Variants in LGR6 observed in about 807,000 individuals in gnomAD.
The protein encoded by LGR6 is leucine-rich repeat-containing G protein-coupled receptor 6.
Under a neutral mutation model 69.4 loss-of-function variants are expected in LGR6, and 45 were observed. The observed-to-expected ratio is 0.65, with a 90% confidence interval of 0.51 to 0.83. The LOEUF (loss-of-function observed/expected upper bound fraction) is 0.83, where lower values mean the gene tolerates loss of function less well. Among genes scored for constraint, LGR6 ranks in the 40% least tolerant of loss-of-function variants. The pLI is 0.00. For synonymous variants in LGR6, 538 were observed against 555.0 expected (o/e 0.97, Z 0.43); for missense variants, 1,108 against 1,246.7 (o/e 0.89, Z 1.68).
chr1:202,247,253 A>G (rs1249541023), intron 4 of LGR6, among the ~76,000 whole-genome samples: 4 of 151,160 alleles, frequency 2.6e-5, no homozygotes, highest in African/African-American at 9.9e-5. Context: ...CATCGGCGTC[A>G]CTTGGGAGTA....
In LGR6 at chr1:202,194,133, G is replaced by A. The variant is rs76654397; in HGVS notation, c.144G>A (p.Leu48=). The A allele has an allele frequency of 2.2e-3, 3,462 of 1,573,074 alleles. 91 individuals are homozygous for A. The East Asian group carries it at 0.064, about 29-fold the overall frequency. The stretch of plus-strand genomic sequence containing the variant: ...ACTGCCAGGAGGACGGCATCATGCT[G>A]TCTGCCGACTGCTCTGAGCTCGGGC... ...PCHCQEDGIM[L]SADCSELGLS... is the part of the protein sequence containing the mutation. Residue 48 remains leucine, a synonymous_variant, in exon 1 of 18, where the codon CTG becomes CTA. Coordinates refer to ENST00000367278, the MANE Select transcript of LGR6 (RefSeq NM_001017403.2).
At chr1:202,254,293 T>C (rs1663569827) in intron 4 of LGR6, among the ~76,000 whole-genome samples, 1 of 152,160 alleles carries the variant, frequency 6.6e-6, no homozygotes, top group Non-Finnish European at 1.5e-5. Context: ...TACCACATCA[T>C]CATTTTCCAC....
chr1:202,304,307 C>G (rs535983699), intron 10 of LGR6, among the ~76,000 whole-genome samples: 2 of 152,278 alleles, frequency 1.3e-5, no homozygotes, highest in South Asian at 2.1e-4. Flanking sequence ...GGAGCAGAGC[C>G]CTGGGCTGTG....
At chr1:202,199,703 T>A (rs1250622894) in intron 1 of LGR6, among the ~76,000 whole-genome samples, 4 of 151,988 alleles carry the variant, frequency 2.6e-5, no homozygotes, top group Non-Finnish European at 5.9e-5. Context: ...GGTATCCCAA[T>A]GGGGAGGCCC....
intron 7 of LGR6, among the ~76,000 whole-genome samples, chr1:202,299,225 A>ACTCCAG (rs2148252637): frequency 6.8e-6 from 1 of 147,736 alleles, no homozygotes; most frequent in African/African-American, 2.5e-5. Context: ...GTACCACTGT[A>ACTCCAG]CTCCAGCCTG....
At chr1:202,238,902 C>T (rs866503743) in intron 4 of LGR6, among the ~76,000 whole-genome samples, 1 of 152,142 alleles carries the variant, frequency 6.6e-6, no homozygotes, top group Non-Finnish European at 1.5e-5. Context: ...CGGTTGGAAT[C>T]CCGAGAGCTC....
intron 1 of LGR6, among the ~76,000 whole-genome samples, chr1:202,215,210 G>A (rs1301357417): frequency 6.6e-6 from 1 of 152,140 alleles, no homozygotes; most frequent in African/African-American, 2.4e-5. Context: ...TGAAATAAAG[G>A]CAGCAGGACA....
At chr1:202,248,224 C>G (rs1211855592) in intron 4 of LGR6, among the ~76,000 whole-genome samples, 1 of 152,192 alleles carries the variant, frequency 6.6e-6, no homozygotes, top group Non-Finnish European at 1.5e-5. Context: ...ATGGAGGTCA[C>G]TAAGTCCAAC....
chr1:202,316,973 T>C (rs891338323), intron 17 of LGR6, among the ~76,000 whole-genome samples: 1 of 152,238 alleles, frequency 6.6e-6, no homozygotes, highest in African/African-American at 2.4e-5. Context: ...TGATTTACTG[T>C]ACTTGAGGCA....
intron 1 of LGR6, among the ~76,000 whole-genome samples, chr1:202,212,549 G>A (rs927590878): frequency 1.2e-4 from 19 of 152,198 alleles, no homozygotes; most frequent in Non-Finnish European, 1.9e-4. Flanking sequence ...AACCCACTGC[G>A]TGCCTCTTCC....
intron 5 of LGR6, among the ~76,000 whole-genome samples, chr1:202,278,279 T>C (rs1665742969): frequency 6.6e-6 from 1 of 151,876 alleles, no homozygotes; most frequent in Non-Finnish European, 1.5e-5. Context: ...TGAGGGCTGT[T>C]TTGAAGGAAG....
intron 4 of LGR6, among the ~76,000 whole-genome samples, chr1:202,274,822 T>C (rs373704874): frequency 2.6e-5 from 4 of 152,234 alleles, no homozygotes; most frequent in African/African-American, 9.6e-5. Flanking sequence ...GGGCACTCAC[T>C]GAAGGGCTTT....
intron 16 of LGR6, among the ~76,000 whole-genome samples, chr1:202,311,894 A>G (rs1046618996): frequency 6.6e-6 from 1 of 151,940 alleles, no homozygotes; most frequent in Admixed American, 6.5e-5. Context: ...CTTCTTCCCA[A>G]TGTATTAACA....
intron 6 of LGR6, among the ~76,000 whole-genome samples, chr1:202,281,243 T>C (rs1314114405): frequency 6.6e-6 from 1 of 152,048 alleles, no homozygotes; most frequent in East Asian, 1.9e-4. Flanking sequence ...TTGATGGCAG[T>C]TTTGACATCT....
chr1:202,257,753 G>A (rs998924992), intron 4 of LGR6, among the ~76,000 whole-genome samples: 6 of 152,086 alleles, frequency 3.9e-5, no homozygotes, highest in African/African-American at 1.4e-4. Flanking sequence ...ATTGGGAAGG[G>A]TGAGTCTTCC....
chr1:202,260,852 T>TC, intron 4 of LGR6, among the ~76,000 whole-genome samples: 1 of 152,162 alleles, frequency 6.6e-6, no homozygotes. Context: ...AGGCTCCATT[T>TC]CCCCCTGACA....
intron 1 of LGR6, among the ~76,000 whole-genome samples, chr1:202,198,695 T>A (rs1332444488): frequency 7.2e-6 from 1 of 139,718 alleles, no homozygotes; most frequent in Non-Finnish European, 1.6e-5. Context: ...TTTTTTTTTT[T>A]TAAGAGTACA....
At chr1:202,266,156 A>G (rs571564251) in intron 4 of LGR6, among the ~76,000 whole-genome samples, 8 of 151,874 alleles carry the variant, frequency 5.3e-5, no homozygotes, top group Non-Finnish European at 8.8e-5. Context: ...AAAAAAGAAT[A>G]TTATCCAAAT....
At chr1:202,313,389 T>A (rs1288325551) in intron 16 of LGR6, among the ~76,000 whole-genome samples, 1 of 152,094 alleles carries the variant, frequency 6.6e-6, no homozygotes, top group Non-Finnish European at 1.5e-5. Context: ...CATCTGTAAA[T>A]CTCCTGAACC....
Sources: allele counts gnomAD v4.1 joint callset (sites outside exome capture counted in the v4.1 genomes callset), GRCh38; gene constraint gnomAD v4.1.1; transcripts MANE v1.5; gene names NCBI Gene and HGNC (gene_info 2026-07-23, HGNC 2026-07-21).